Variants in PIK3R4 observed in about 807,000 individuals in gnomAD.
PIK3R4 encodes phosphoinositide-3-kinase regulatory subunit 4, also known as phosphoinositide 3-kinase regulatory subunit 4.
Under a neutral mutation model 136.5 loss-of-function variants are expected in PIK3R4, and 46 were observed. The ratio of observed to expected loss-of-function variants is 0.34; its 90% CI spans 0.27 to 0.43. The LOEUF (loss-of-function observed/expected upper bound fraction) is 0.43. PIK3R4 is among the 20% of genes least tolerant of loss of function. PIK3R4 has a pLI of 1.00. For synonymous variants in PIK3R4, 557 were observed against 566.7 expected, an observed-to-expected ratio of 0.98 and a Z score of 0.24; for missense variants, 1,331 against 1,649.5, an observed-to-expected ratio of 0.81 and a Z score of 3.35.
At chr3:130,723,790 G>C (rs1198217442) in intron 6 of PIK3R4, 1 of 454,030 alleles carries the variant, frequency 2.2e-6, no homozygotes, top group Non-Finnish European at 3.9e-6. Context: ...CCACAGAAAA[G>C]CTAAGATCCT....
At chr3:130,743,597 CAGTT>C (rs1427306619) in intron 2 of PIK3R4, among the ~76,000 whole-genome samples, 1 of 152,172 alleles carries the variant, frequency 6.6e-6, no homozygotes, top group Non-Finnish European at 1.5e-5. Context: ...ACCATCCACT[CAGTT>C]TGGTGGGCGA....
At chr3:130,740,679 A>T (rs1184403946) in intron 2 of PIK3R4, among the ~76,000 whole-genome samples, 9 of 152,134 alleles carry the variant, frequency 5.9e-5, no homozygotes, top group Admixed American at 5.2e-4. Flanking sequence ...GCAATGAGCC[A>T]AGATCGCGCC....
chr3:130,690,288 G>A (rs530410395), intron 14 of PIK3R4, among the ~76,000 whole-genome samples: 1 of 152,274 alleles, frequency 6.6e-6, no homozygotes, highest in Admixed American at 6.5e-5. Flanking sequence ...CATCTTCTGA[G>A]ACTAACCACA....
rs2066489159 is a variant in PIK3R4 at position 130,686,239 on chromosome 3, C to T, written c.3447G>A (p.Val1149=). The part of the protein sequence containing the change: ...LKSGLITSFA[V]DIHQCWLCIG... The stretch of plus-strand genomic sequence containing the variant: ...TGCAGAGCCAGCATTGGTGGATGTC[C>T]ACAGCAAAGGAAGTGATGAGGCCCG... The change falls in exon 15 of 20, where the codon GTG becomes GTA. Residue 1149 remains valine (V), a synonymous_variant. Coordinates refer to ENST00000356763, the MANE Select transcript of PIK3R4 (RefSeq NM_014602.3). The T allele has an allele frequency of 1.2e-6, 2 of 1,612,968 alleles. No homozygotes were observed. The highest frequency in any genetic ancestry group is 2.7e-5 in the African/African-American group (2 of 74,842).
chr3:130,744,579 A>G lies in PIK3R4; in HGVS notation c.640T>C (p.Tyr214His), dbSNP rs764718164. The change falls in exon 2 of 20, where the codon TAT (tyrosine) becomes CAT (histidine). Residue 214 changes from tyrosine to histidine, a missense_variant. Tyr to His is a moderately conservative substitution (Grantham distance 83, BLOSUM62 2). Around this residue, in one of 2 missense-constraint regions of PIK3R4, gnomAD observed 1,180 missense variants for 1,407.0 expected, o/e 0.84. Coordinates refer to ENST00000356763, the MANE Select transcript of PIK3R4 (RefSeq NM_014602.3). ...DGGMFATELE[Y>H]MRDPSTPLVD... is the part of the protein sequence containing the mutation. ...AGCGGAGTTGAAGGATCTCTCATAT[A>G]TTCTAACTCAGTGGCAAACATCCCA... The G allele has an allele frequency of 6.2e-7, 1 of 1,614,226 alleles. No homozygotes were observed. Among genetic ancestry groups the G allele is most frequent in the South Asian group, 1.1e-5 (1 of 91,090 alleles).
intron 5 of PIK3R4, 117 bp from the exon 6 acceptor site, chr3:130,728,801 TAC>T (rs1441082663): frequency 1.5e-6 from 1 of 662,110 alleles, no homozygotes; most frequent in Non-Finnish European, 2.4e-6. Context: ...AGAGACTGAT[TAC>T]AGAATCCACC....
intron 13 of PIK3R4, among the ~76,000 whole-genome samples, chr3:130,695,196 C>A (rs945602968): frequency 2.0e-5 from 3 of 151,982 alleles, no homozygotes; most frequent in African/African-American, 4.8e-5. Context: ...GATTTTTACA[C>A]CTATATTAAT....
chr3:130,682,376 G>T (rs1265692412), intron 16 of PIK3R4, among the ~76,000 whole-genome samples: 1 of 152,158 alleles, frequency 6.6e-6, no homozygotes, highest in African/African-American at 2.4e-5. Flanking sequence ...CAAGGAAATA[G>T]ATGTTCCCCT....
Position 130,684,319 on chromosome 3 carries a change from A to C in PIK3R4, c.3538T>G (p.Cys1180Gly), listed in dbSNP as rs768083703. The change falls in exon 16 of 20, where the codon TGT becomes GGT. Residue 1180 changes from cysteine (C) to glycine (G), a missense_variant. By Grantham distance (159) the Cys-to-Gly change is radical. Transcript: ENST00000356763. ...CTGATTCGAGCCCTGGAAGGATGACAGTGACTTGAAATTGGCAACTGGAAC... is the reference window on the plus strand; with the variant it reads ...CTGATTCGAGCCCTGGAAGGATGACCGTGACTTGAAATTGGCAACTGGAAC... ...MRFQLPISSH[C>G]HPSRARIRRL... is the part of the protein sequence containing the mutation. The C allele has an allele frequency of 6.2e-7, 1 of 1,613,272 alleles. No homozygotes were observed. Among genetic ancestry groups the C allele is most frequent in the South Asian group, 1.1e-5 (1 of 91,070 alleles).
chr3:130,725,171 G>A (rs1034603035), intron 6 of PIK3R4, among the ~76,000 whole-genome samples: 1 of 151,694 alleles, frequency 6.6e-6, no homozygotes, highest in Non-Finnish European at 1.5e-5. Flanking sequence ...TTTTGAAAAT[G>A]AATGACATCT....
Position 130,730,395 on chromosome 3 carries a change from C to T in PIK3R4, c.1498G>A (p.Val500Ile). 6.2e-7 allele frequency: 1 copy of T among 1,602,178 alleles called. No homozygotes were observed. The highest frequency in any genetic ancestry group is 8.5e-7 in the Non-Finnish European group (1 of 1,174,270). ...AETALRFLEL[V>I]QLKNLNMEND... Reference sequence around the variant, plus strand: ...TCCATATTAAGATTTTTTAACTGTACTAATTCCAGGAATCTCAGAGCTGTT... The same window carrying T: ...TCCATATTAAGATTTTTTAACTGTATTAATTCCAGGAATCTCAGAGCTGTT... Residue 500 changes from valine (V) to isoleucine (I), a missense_variant, in exon 5 of 20, where the codon GTA (valine) becomes ATA (isoleucine). Coordinates refer to ENST00000356763, the MANE Select transcript of PIK3R4 (RefSeq NM_014602.3).
At position 130,745,069 on chromosome 3, in the gene PIK3R4, G is replaced by C. The variant is rs759836189; in HGVS notation, c.150C>G (p.Val50=). The C allele has an allele frequency of 1.2e-6, 2 of 1,613,468 alleles. No individual in the cohort carries two copies. Among genetic ancestry groups the C allele is most frequent in the Non-Finnish European group, 1.7e-6 (2 of 1,179,842 alleles). ...CCTGAATTGCAAAAACCTTCACAACGACCAGGCCTTCTCGGTGCTTGGCTC... is the reference window on the plus strand; with the variant it reads ...CCTGAATTGCAAAAACCTTCACAACCACCAGGCCTTCTCGGTGCTTGGCTC... ...VARAKHREGL[V]VVKVFAIQDP... The change falls in exon 2 of 20, where the codon GTC becomes GTG. Residue 50 remains valine (V), a synonymous_variant. Transcript: ENST00000356763.
At chr3:130,739,232 G>A (rs971296298) in intron 2 of PIK3R4, among the ~76,000 whole-genome samples, 2 of 151,680 alleles carry the variant, frequency 1.3e-5, no homozygotes, top group Non-Finnish European at 2.9e-5. Flanking sequence ...GCCTGCCACC[G>A]CGCCCAGCTA....
intron 17 of PIK3R4, 39 bp from the exon 18 acceptor site, chr3:130,681,104 C>T (rs760526006): frequency 3.2e-5 from 35 of 1,077,958 alleles, no homozygotes; most frequent in African/African-American, 7.8e-5. Flanking sequence ...AAAAGACATC[C>T]GTGTATTCCA....
At chr3:130,679,913 TA>T (rs572518295) in intron 19 of PIK3R4, among the ~76,000 whole-genome samples, 124 of 151,960 alleles carry the variant, frequency 8.2e-4, no homozygotes, top group African/African-American at 2.9e-3. Context: ...CCGTCTCTAC[TA>T]AAAATACAAA....
Position 130,745,081 on chromosome 3 carries a change from T to C in PIK3R4, c.138A>G (p.Arg46=). 1 of 1,614,062 alleles carries C rather than the reference T, an allele frequency of 6.2e-7. No homozygotes were observed. Among genetic ancestry groups the C allele is most frequent in the Non-Finnish European group, 8.5e-7 (1 of 1,180,006 alleles). ...RFFKVARAKH[R]EGLVVVKVFA... ...AAACCTTCACAACGACCAGGCCTTC[T>C]CGGTGCTTGGCTCGAGCAACTTTAA... Residue 46 remains arginine (R), a synonymous_variant, in exon 2 of 20, where the codon CGA becomes CGG. Coordinates refer to ENST00000356763, the MANE Select transcript of PIK3R4 (RefSeq NM_014602.3).
intron 9 of PIK3R4, among the ~76,000 whole-genome samples, chr3:130,712,740 A>G (rs1487775578): frequency 6.6e-6 from 1 of 152,098 alleles, no homozygotes; most frequent in Non-Finnish European, 1.5e-5. Context: ...CCAAGTCTCT[A>G]CTAGTAATCC....
At chr3:130,708,555 A>G (rs1213125926) in intron 9 of PIK3R4, 63 bp from the exon 10 acceptor site, 1 of 1,409,438 alleles carries the variant, frequency 7.1e-7, no homozygotes, top group Non-Finnish European at 9.9e-7. Context: ...CAAGCCTCAG[A>G]ATGACTAACA....
rs937044315 is a variant in PIK3R4 at position 130,690,739 on chromosome 3, TATTACTTTGGGGTCCATTTA to T, written c.3099-105_3099-86del. ...CCACATGGCCATTAGCAAGCAAAATTATTACTTTGGGGTCCATTTAATCTCCCTGATCTCAGGACAAAAAC... is the reference window on the plus strand; with the variant it reads ...CCACATGGCCATTAGCAAGCAAAATTATCTCCCTGATCTCAGGACAAAAAC... On this transcript the variant is annotated intron_variant, in intron 13 of 19. Coordinates refer to ENST00000356763, the MANE Select transcript of PIK3R4 (RefSeq NM_014602.3). 5.3e-5 allele frequency: 41 copies of T among 766,724 alleles called. No individual in the cohort carries two copies. In the African/African-American group the frequency reaches 6.0e-4, roughly 11 times the overall value. The allele number at this position is 766,724 out of a possible 1,614,324, so 47.5% of individuals were successfully genotyped here.
Sources: gnomAD v4.1 joint callset for allele counts (sites outside exome capture counted in the v4.1 genomes callset) on GRCh38, gnomAD v4.1.1 for gene constraint, gnomAD v4.1.1 regional missense constraint, MANE v1.5 for transcripts, NCBI Gene and HGNC (gene_info 2026-07-23, HGNC 2026-07-21) for gene names.